KIAA1191: variants seen among roughly 807,000 people sequenced by gnomAD.
The protein encoded by KIAA1191 is KIAA1191, also known as putative monooxygenase p33MONOX.
A neutral mutation model predicts 31.1 loss-of-function variants in KIAA1191; 22 were observed. The observed-to-expected ratio is 0.71, with a 90% CI of 0.51 to 1.01. The LOEUF (loss-of-function observed/expected upper bound fraction) is 1.01. Among genes scored for constraint, KIAA1191 ranks in the 50% least tolerant of loss-of-function variants. The pLI, the probability that KIAA1191 is intolerant of heterozygous loss-of-function variation, is 0.00. For synonymous variants in KIAA1191, 130 were observed against 143.9 expected (o/e 0.90, Z 0.69); for missense variants, 319 against 388.0 (o/e 0.82, Z 1.49).
chr5:176,352,800 C>T, intron 4 of KIAA1191, 52 bp from the exon 5 acceptor site: 2 of 1,549,852 alleles, frequency 1.3e-6, no homozygotes, highest in Non-Finnish European at 1.7e-6. Flanking sequence ...AGGGGAGTCA[C>T]ACACCTAAAC....
At chr5:176,352,592 C>A in intron 5 of KIAA1191, 30 bp downstream of exon 5, 1 of 1,609,022 alleles carries the variant, frequency 6.2e-7, no homozygotes, top group African/African-American at 1.3e-5. Context: ...GCCCCTATGG[C>A]ACTCTACTCT....
intron 5 of KIAA1191, among the ~76,000 whole-genome samples, chr5:176,352,260 G>A (rs568329647): frequency 7.8e-4 from 118 of 151,518 alleles, no homozygotes; most frequent in African/African-American, 2.3e-3. Context: ...AGCAGCTGCC[G>A]CCACTGAGCA....
chr5:176,360,788 G>A (rs894262382), intron 1 of KIAA1191, among the ~76,000 whole-genome samples: 17 of 151,894 alleles, frequency 1.1e-4, no homozygotes, highest in African/African-American at 3.9e-4. Context: ...GCGACGGAGT[G>A]AGACTCGGTC....
In KIAA1191 at chr5:176,355,293, T is replaced by C. The variant is rs1264857805; in HGVS notation, c.207+278A>G. ...ATCTATTGGGTACACTGTACACTAT[T>C]CGGGTGACGGGTGCACTAAAAGCCC... On this transcript the variant is annotated intron_variant, in intron 4 of 8. Coordinates refer to ENST00000298569, the MANE Select transcript of KIAA1191 (RefSeq NM_020444.5). This position sits in a 1 kb window ranked among gnomAD's most constrained non-coding sequence, Gnocchi z 4.2. Among the ~76,000 whole-genome samples, 1 of 151,958 alleles carries C rather than the reference T, an allele frequency of 6.6e-6. No individual in the cohort carries two copies. The highest frequency in any genetic ancestry group is 1.5e-5 in the Non-Finnish European group (1 of 68,004).
intron 5 of KIAA1191, among the ~76,000 whole-genome samples, chr5:176,351,416 A>T (rs1215229667): frequency 6.6e-6 from 1 of 152,112 alleles, no homozygotes; most frequent in Admixed American, 6.6e-5. Flanking sequence ...CACATTCTCA[A>T]GCTTGTAAAA....
chr5:176,359,071 A>G (rs1162312565), intron 3 of KIAA1191, among the ~76,000 whole-genome samples: 3 of 136,060 alleles, frequency 2.2e-5, no homozygotes, highest in African/African-American at 8.3e-5. Flanking sequence ...GCGACAGAGC[A>G]AGACTCTGTC....
chr5:176,355,411 TAAAAA>T lies in KIAA1191; in HGVS notation c.207+155_207+159del, dbSNP rs527939434. 1.6e-5 allele frequency among the ~76,000 whole-genome samples: 1 copy of T among 61,460 alleles called. No individual in the cohort carries two copies. The highest frequency in any genetic ancestry group is 5.6e-5 in the African/African-American group (1 of 17,980). The allele number at this position is 61,460 out of a possible 152,430, so 40.3% of individuals were successfully genotyped here. ...TTTTTTAACAAAATAAATAAAATCT[TAAAAA>T]AAAAAAAAAGACAGCTATAACTGAG... On this transcript the variant is annotated intron_variant, in intron 4 of 8. Transcript: ENST00000298569. The surrounding 1 kb of genome is among the most constrained non-coding windows in gnomAD (Gnocchi z 4.2).
At chr5:176,359,406 G>T (rs1432647755) in intron 3 of KIAA1191, 75 bp downstream of exon 3, 2 of 1,340,556 alleles carry the variant, frequency 1.5e-6, no homozygotes, top group Non-Finnish European at 1.1e-6. Flanking sequence ...ATATAGTTCC[G>T]ATAAAATGGT....
intron 5 of KIAA1191, among the ~76,000 whole-genome samples, 172 bp downstream of exon 5, chr5:176,352,450 C>A (rs1767114295): frequency 2.0e-5 from 3 of 152,228 alleles, no homozygotes; most frequent in Non-Finnish European, 4.4e-5. Flanking sequence ...TTTGGCAAAT[C>A]TTCCACTTAA....
Position 176,346,556 on chromosome 5 carries a change from C to T in KIAA1191, c.*1044G>A, listed in dbSNP as rs1561743935. ...CAAATCAGTAGACTTAATTTTCTCT[C>T]TTAGGAAGTTTTTAACCAAATTACA... is the stretch of plus-strand genomic sequence containing the variant. On this transcript the variant is annotated 3_prime_UTR_variant, in exon 9 of 9. Coordinates refer to ENST00000298569, the MANE Select transcript of KIAA1191 (RefSeq NM_020444.5). 1.3e-5 allele frequency: 2 copies of T among 152,262 alleles called. No homozygotes were observed. The highest frequency in any genetic ancestry group is 2.9e-5 in the Non-Finnish European group (2 of 68,052). 9.4% of individuals were successfully genotyped at this position (152,262 alleles called of 1,614,324 possible).
chr5:176,356,281 G>A (rs1767500616), intron 3 of KIAA1191: 1 of 157,980 alleles, frequency 6.3e-6, no homozygotes, highest in Non-Finnish European at 1.4e-5. Flanking sequence ...GCAATACTAA[G>A]GCTCTCAGTT....
At chr5:176,359,762 G>T in intron 2 of KIAA1191, 49 bp downstream of exon 2, 1 of 426,290 alleles carries the variant, frequency 2.3e-6, no homozygotes, top group South Asian at 2.9e-5. Context: ...CTTAACACCT[G>T]TGAGATGACA....
At position 176,347,975 on chromosome 5, in the gene KIAA1191, A is replaced by G. The variant is rs747964617; in HGVS notation, c.655T>C (p.Leu219=). 2 of 1,614,122 alleles carry G rather than the reference A, an allele frequency of 1.2e-6. No homozygotes were observed. Among genetic ancestry groups the G allele is most frequent in the South Asian group, 1.1e-5 (1 of 91,068 alleles). Residue 219 remains leucine (L), a synonymous_variant, in exon 8 of 9, where the codon TTG becomes CTG. Transcript: ENST00000298569. ...DSGSGDKDRN[L]SDKWSLFGPR... is the part of the protein sequence containing the mutation. ...CCAAAGAGGCTCCACTTATCTGACA[A>G]GTTTCTGTCCTTATCCCCACTTCCA...
At chr5:176,358,977 G>A (rs1391931451) in intron 3 of KIAA1191, among the ~76,000 whole-genome samples, 12 of 150,898 alleles carry the variant, frequency 8.0e-5, no homozygotes, top group African/African-American at 1.7e-4. Context: ...CCAGCTACTC[G>A]GGAGGCTGAG....
At chr5:176,359,704 T>C (rs890349279) in intron 2 of KIAA1191, 107 bp downstream of exon 2, 1 of 565,338 alleles carries the variant, frequency 1.8e-6, no homozygotes, top group South Asian at 2.1e-5. Flanking sequence ...AACATGCCAA[T>C]GAAAAAAGAA....
Position 176,355,562 on chromosome 5 carries a change from G to C in KIAA1191, c.207+9C>G, listed in dbSNP as rs771954427. ...GCGTATGCCAGAAATGGCCAGCAGG[G>C]TCAGATACCTTGGCGAGGTGCTGAT... On this transcript the variant is annotated intron_variant, in intron 4 of 8. Transcript: ENST00000298569. The surrounding 1 kb of genome is among the most constrained non-coding windows in gnomAD (Gnocchi z 4.2). 1 of 1,605,074 alleles carries C rather than the reference G, an allele frequency of 6.2e-7. No homozygotes were observed. Among genetic ancestry groups the C allele is most frequent in the South Asian group, 1.1e-5 (1 of 90,896 alleles).
chr5:176,348,097 A>G, intron 7 of KIAA1191, 34 bp from the exon 8 acceptor site: 1 of 1,610,930 alleles, frequency 6.2e-7, no homozygotes, highest in Non-Finnish European at 8.5e-7. Context: ...ATCCTAAAAT[A>G]CCTCTTCCTT....
chr5:176,349,754 C>A lies in KIAA1191; in HGVS notation c.459+859G>T, dbSNP rs377260314. Among the ~76,000 whole-genome samples, 9 of 152,298 alleles carry A rather than the reference C, an allele frequency of 5.9e-5. No individual in the cohort carries two copies. In the South Asian group the frequency reaches 8.3e-4, roughly 14 times the overall value. ...GTTATGTATAATGTATACCATGATT[C>A]TTTCCTGCGTCGTGTGCTCTCCTCA... On this transcript the variant is annotated intron_variant, in intron 6 of 8. Transcript: ENST00000298569.
intron 6 of KIAA1191, among the ~76,000 whole-genome samples, chr5:176,349,776 C>T (rs1339086106): frequency 6.6e-6 from 1 of 151,672 alleles, no homozygotes; most frequent in African/African-American, 2.4e-5. Context: ...GTGTGCTCTC[C>T]TCACCTTGCC....
Sources: allele counts gnomAD v4.1 joint callset (sites outside exome capture counted in the v4.1 genomes callset), GRCh38; gene constraint gnomAD v4.1.1; non-coding constraint Gnocchi (gnomAD v3.1); transcripts MANE v1.5; gene names NCBI Gene and HGNC (gene_info 2026-07-23, HGNC 2026-07-21).